Variants in GRM8 observed in about 807,000 individuals in gnomAD.
The protein encoded by GRM8 is glutamate metabotropic receptor 8.
In GRM8, 47 loss-of-function variants were observed where a neutral mutation model predicts 87.2. The ratio of observed to expected loss-of-function variants is 0.54; its 90% CI spans 0.43 to 0.69. The LOEUF is 0.69. Among genes scored for constraint, GRM8 ranks in the 30% least tolerant of loss-of-function variants. The pLI is 0.00. For synonymous variants in GRM8, 396 were observed against 404.5 expected (o/e 0.98, Z 0.25); for missense variants, 1,019 against 1,139.2 (o/e 0.89, Z 1.52).
intron 2 of GRM8, among the ~76,000 whole-genome samples, chr7:127,210,865 G>C (rs1452470090): frequency 6.6e-6 from 1 of 152,102 alleles, no homozygotes; most frequent in Non-Finnish European, 1.5e-5. Flanking sequence ...AGGTACCAAG[G>C]TACTATAGGT....
chr7:127,100,889 A>T (rs1293488591), intron 3 of GRM8, among the ~76,000 whole-genome samples: 1 of 152,056 alleles, frequency 6.6e-6, no homozygotes, highest in Middle Eastern at 3.2e-3. Context: ...ATTCCCCTAT[A>T]CTTCTCACCT....
intron 2 of GRM8, among the ~76,000 whole-genome samples, chr7:127,184,954 C>T (rs2116440432): frequency 6.6e-6 from 1 of 151,998 alleles, no homozygotes; most frequent in African/African-American, 2.4e-5. Flanking sequence ...AGGAAAACTA[C>T]AAAACTGATA....
intron 9 of GRM8, among the ~76,000 whole-genome samples, chr7:126,499,142 A>G (rs1322306483): frequency 6.6e-6 from 1 of 151,918 alleles, no homozygotes; most frequent in Non-Finnish European, 1.5e-5. Context: ...AATCTCTCCA[A>G]ATCCACTCTT....
chr7:126,641,229 C>G (rs936487343), intron 7 of GRM8, among the ~76,000 whole-genome samples: 3 of 152,176 alleles, frequency 2.0e-5, no homozygotes, highest in Non-Finnish European at 4.4e-5. Context: ...GTGCAATGGT[C>G]TGTGACTATT....
intron 7 of GRM8, among the ~76,000 whole-genome samples, chr7:126,729,633 C>A (rs1272444514): frequency 6.6e-6 from 1 of 152,190 alleles, no homozygotes; most frequent in Non-Finnish European, 1.5e-5. Context: ...AGAAGTTCTG[C>A]ATTTGGCAGA....
chr7:127,110,599 C>T (rs1298915824), intron 2 of GRM8, among the ~76,000 whole-genome samples: 1 of 151,686 alleles, frequency 6.6e-6, no homozygotes, highest in Non-Finnish European at 1.5e-5. Flanking sequence ...ACTCAGGACA[C>T]TCATCATCCT....
chr7:126,558,493 C>T (rs1329105526), intron 8 of GRM8, among the ~76,000 whole-genome samples: 1 of 152,070 alleles, frequency 6.6e-6, no homozygotes, highest in African/African-American at 2.4e-5. Flanking sequence ...CCAGGACCTT[C>T]CAGATGCCAA....
At chr7:126,935,829 C>T (rs539680236) in intron 3 of GRM8, among the ~76,000 whole-genome samples, 39 of 152,322 alleles carry the variant, frequency 2.6e-4, no homozygotes, top group African/African-American at 7.7e-4. Context: ...AGGCTTGATG[C>T]CACCTCTGTG....
At position 126,533,526 on chromosome 7, in the gene GRM8, C is replaced by T. The variant is rs916732580; in HGVS notation, c.1856G>A (p.Arg619His). 4.3e-6 allele frequency: 7 copies of T among 1,613,918 alleles called. No homozygotes were observed. The highest frequency in any genetic ancestry group is 2.2e-5 in the East Asian group (1 of 44,874). ...CGTTAGGAGCACGTAACTAAGTTCGCGTCCTGAAGCCCTCACGATAGGTGT... is the reference window on the plus strand; with the variant it reads ...CGTTAGGAGCACGTAACTAAGTTCGTGTCCTGAAGCCCTCACGATAGGTGT... ...NDTPIVRASG[R>H]ELSYVLLTGI... The change falls in exon 9 of 11, where the codon CGC becomes CAC. Residue 619 changes from arginine to histidine, a missense_variant. Arg to His is a conservative substitution (Grantham distance 29, BLOSUM62 0). Coordinates refer to ENST00000339582, the MANE Select transcript of GRM8 (RefSeq NM_000845.3).
chr7:127,215,340 A>T (rs759816024), intron 2 of GRM8: 1 of 152,258 alleles, frequency 6.6e-6, no homozygotes, highest in Non-Finnish European at 1.5e-5. Flanking sequence ...ACAATTTCTC[A>T]TAGCAGTTTT....
At chr7:126,960,504 A>T (rs1257941912) in intron 3 of GRM8, among the ~76,000 whole-genome samples, 9 of 152,208 alleles carry the variant, frequency 5.9e-5, no homozygotes, top group Admixed American at 5.9e-4. Context: ...CTATTCTTAG[A>T]ATGTTGGTTT....
At chr7:127,215,205 C>CT (rs1342053610) in intron 2 of GRM8, 1 of 152,208 alleles carries the variant, frequency 6.6e-6, no homozygotes, top group Non-Finnish European at 1.5e-5. Context: ...CTGGAATTAT[C>CT]TTAACAATTC....
intron 9 of GRM8, among the ~76,000 whole-genome samples, chr7:126,489,206 T>C (rs1324514902): frequency 1.3e-5 from 2 of 151,972 alleles, no homozygotes; most frequent in Non-Finnish European, 2.9e-5. Flanking sequence ...CGTTCTGATA[T>C]TTAAATGACG....
chr7:126,691,458 A>T (rs998938644), intron 7 of GRM8, among the ~76,000 whole-genome samples: 2 of 152,150 alleles, frequency 1.3e-5, no homozygotes, highest in African/African-American at 4.8e-5. Flanking sequence ...AGGTCGCTGC[A>T]GTGGTGCCTG....
chr7:127,154,375 G>T (rs966157525), intron 2 of GRM8, among the ~76,000 whole-genome samples: 10 of 151,982 alleles, frequency 6.6e-5, no homozygotes, highest in African/African-American at 2.4e-4. Flanking sequence ...AAGTGATGTT[G>T]TAAGTCCCAA....
intron 3 of GRM8, among the ~76,000 whole-genome samples, chr7:127,039,266 C>G (rs569974481): frequency 6.6e-6 from 1 of 151,988 alleles, no homozygotes; most frequent in African/African-American, 2.4e-5. Flanking sequence ...GTCATTATGA[C>G]GGGCCCAGTC....
chr7:127,049,005 C>G (rs182555988), intron 3 of GRM8, among the ~76,000 whole-genome samples: 1 of 152,198 alleles, frequency 6.6e-6, no homozygotes, highest in African/African-American at 2.4e-5. Context: ...TACTCTAGCC[C>G]TAGGAACTAG....
intron 6 of GRM8, among the ~76,000 whole-genome samples, chr7:126,860,592 C>A (rs564657098): frequency 6.6e-6 from 1 of 152,086 alleles, no homozygotes; most frequent in Non-Finnish European, 1.5e-5. Flanking sequence ...AATAGTTTTA[C>A]AATAAAAGCA....
At chr7:126,923,221 G>C (rs185364352) in intron 3 of GRM8, among the ~76,000 whole-genome samples, 7 of 152,078 alleles carry the variant, frequency 4.6e-5, no homozygotes, top group Non-Finnish European at 7.4e-5. Flanking sequence ...TGGCATAATA[G>C]GTGCTTGTTT....
Sources: gnomAD v4.1 joint callset for allele counts (sites outside exome capture counted in the v4.1 genomes callset) on GRCh38, gnomAD v4.1.1 for gene constraint, MANE v1.5 for transcripts, NCBI Gene and HGNC (gene_info 2026-07-23, HGNC 2026-07-21) for gene names.